TPO: variants seen among roughly 807,000 people sequenced by gnomAD.
The protein encoded by TPO is thyroid peroxidase, also known as thyroid microsomal antigen.
Under a neutral mutation model 96.9 loss-of-function variants are expected in TPO, and 78 were observed. The ratio of observed to expected loss-of-function variants is 0.81; its 90% confidence interval spans 0.67 to 0.97. The LOEUF is 0.97. Ranked by LOEUF, TPO falls within the 50% of genes least tolerant of loss-of-function variation. The pLI, the probability that TPO is intolerant of heterozygous loss-of-function variation, is 0.00. For synonymous variants in TPO, 547 were observed against 538.0 expected (o/e 1.02, Z -0.23); for missense variants, 1,252 against 1,274.8 (o/e 0.98, Z 0.27).
At position 1,542,588 on chromosome 2, in the gene TPO, G is replaced by GGTAAA; in HGVS notation, c.*115_*119dup. ...GCAGGACGACTGTTTTCCCAACACG[G>GGTAAA]GTAAATCTAGTACCATGTCGTAGTT... On this transcript the variant is annotated 3_prime_UTR_variant, in exon 17 of 17. Transcript: ENST00000329066. 6.4e-7 allele frequency: 1 copy of GGTAAA among 1,563,310 alleles called. No homozygotes were observed. The highest frequency in any genetic ancestry group is 8.7e-7 in the Non-Finnish European group (1 of 1,152,928).
chr2:1,507,357 G>A (rs1349182385), intron 14 of TPO, among the ~76,000 whole-genome samples: 3 of 152,156 alleles, frequency 2.0e-5, no homozygotes, highest in African/African-American at 7.2e-5. Flanking sequence ...GGATTGACTT[G>A]GCAATGTGGG....
intron 15 of TPO, among the ~76,000 whole-genome samples, chr2:1,523,142 G>A (rs1366348186): frequency 7.4e-6 from 1 of 135,924 alleles, no homozygotes; most frequent in Non-Finnish European, 1.5e-5. Flanking sequence ...CCCACCCTGT[G>A]CATCCTCCCA....
chr2:1,384,531 A>G (rs1209746796), intron 1 of TPO, among the ~76,000 whole-genome samples: 2 of 152,152 alleles, frequency 1.3e-5, no homozygotes, highest in Admixed American at 1.3e-4. Flanking sequence ...TTGGTGTATA[A>G]GAATGCTTGT....
At position 1,427,662 on chromosome 2, in the gene TPO, C is replaced by A. The variant is rs545039253; in HGVS notation, c.179+4533C>A. Among the ~76,000 whole-genome samples the A allele has an allele frequency of 2.0e-5, 3 of 152,318 alleles. No homozygotes were observed. In the South Asian group the frequency reaches 6.2e-4, roughly 32 times the overall value. On this transcript the variant is annotated intron_variant, in intron 3 of 16. Transcript: ENST00000329066. ...ATAATTTCGGCATGGACAGAAGAAG[C>A]GTCTGCATGAGGAGGCTGTGGGTCC...
At chr2:1,415,399 C>T (rs1213743266) in intron 2 of TPO, among the ~76,000 whole-genome samples, 1 of 143,812 alleles carries the variant, frequency 7.0e-6, no homozygotes, top group Non-Finnish European at 1.5e-5. Flanking sequence ...AGTCTCGGGG[C>T]CCCTGGAGCA....
chr2:1,542,485 G>A lies in TPO; in HGVS notation c.*11G>A, dbSNP rs1553344849. The A allele has an allele frequency of 1.9e-6, 3 of 1,613,974 alleles. No individual in the cohort carries two copies. The highest frequency in any genetic ancestry group is 2.5e-6 in the Non-Finnish European group (3 of 1,180,022). On this transcript the variant is annotated 3_prime_UTR_variant, in exon 17 of 17. Transcript: ENST00000329066. Reference sequence around the variant, plus strand: ...CCGAGAGCCCTCTGAGGGCAAAGTGGCAGGACACTGCAGAACAGCTTCATG... The same window carrying A: ...CCGAGAGCCCTCTGAGGGCAAAGTGACAGGACACTGCAGAACAGCTTCATG...
chr2:1,486,097 G>A (rs1671136168), intron 9 of TPO, among the ~76,000 whole-genome samples: 1 of 152,176 alleles, frequency 6.6e-6, no homozygotes, highest in Non-Finnish European at 1.5e-5. Context: ...TCGCATCGAT[G>A]TTTATCAGGT....
intron 7 of TPO, among the ~76,000 whole-genome samples, chr2:1,459,300 T>C (rs1337485074): frequency 6.6e-6 from 1 of 151,938 alleles, no homozygotes; most frequent in Non-Finnish European, 1.5e-5. Flanking sequence ...TACAGGCAGG[T>C]GCCACCACAC....
intron 14 of TPO, among the ~76,000 whole-genome samples, chr2:1,510,364 G>GC (rs1461883237): frequency 6.6e-6 from 1 of 152,166 alleles, no homozygotes; most frequent in Non-Finnish European, 1.5e-5. Flanking sequence ...CTGGACTACA[G>GC]CCCAGAAGCA....
At chr2:1,512,446 G>A (rs1055757025) in intron 14 of TPO, 6 of 985,328 alleles carry the variant, frequency 6.1e-6, no homozygotes, top group Admixed American at 1.2e-4. Flanking sequence ...CCGGACCAGC[G>A]CCCGTGCTCA....
chr2:1,420,993 C>T (rs2148427157), intron 2 of TPO, among the ~76,000 whole-genome samples: 2 of 152,044 alleles, frequency 1.3e-5, no homozygotes, highest in African/African-American at 4.8e-5. Flanking sequence ...GATGGCGTGA[C>T]TCAGGAGAGA....
In TPO at chr2:1,543,040, A is replaced by C; in HGVS notation, c.*566A>C. On this transcript the variant is annotated 3_prime_UTR_variant, in exon 17 of 17. Coordinates refer to ENST00000329066, the MANE Select transcript of TPO (RefSeq NM_001206744.2). The stretch of plus-strand genomic sequence containing the variant: ...TCATCCTCCAGAGATTCACCAACAC[A>C]TGAGCCTCAGACCCCAGGCTTCTGC... 5.2e-6 allele frequency: 1 copy of C among 190,560 alleles called. No individual in the cohort carries two copies. Among genetic ancestry groups the C allele is most frequent in the Non-Finnish European group, 1.1e-5 (1 of 91,174 alleles). 11.8% of individuals were successfully genotyped at this position (190,560 alleles called of 1,614,324 possible). A position where few individuals can be genotyped will look rare whatever the true frequency, so the allele number is the denominator to read the frequency against.
At chr2:1,515,424 T>C (rs1468028028) in intron 14 of TPO, among the ~76,000 whole-genome samples, 1 of 152,132 alleles carries the variant, frequency 6.6e-6, no homozygotes, top group Non-Finnish European at 1.5e-5. Context: ...GGCGGGAGGA[T>C]GGTTAGAGGA....
intron 14 of TPO, among the ~76,000 whole-genome samples, chr2:1,509,392 A>G (rs1673832500): frequency 6.7e-6 from 1 of 149,150 alleles, no homozygotes; most frequent in African/African-American, 2.5e-5. Flanking sequence ...CAGGGACAGC[A>G]CAGCCTCTTG....
intron 2 of TPO, among the ~76,000 whole-genome samples, chr2:1,422,344 C>CCTCGTGCAGGTGCCGCGCTGGACA (rs1558264301): frequency 1.4e-4 from 11 of 77,622 alleles, no homozygotes; most frequent in South Asian, 4.6e-4. Context: ...TCTCCTGGAC[C>CCTCGTGCAGGTGCCGCGCTGGACA]GACCTCGTGC....
chr2:1,491,346 T>C (rs1419710596), intron 10 of TPO, among the ~76,000 whole-genome samples: 2 of 152,118 alleles, frequency 1.3e-5, no homozygotes, highest in African/African-American at 4.8e-5. Flanking sequence ...CCCTCTAGAG[T>C]TGGAAAAAGA....
At chr2:1,409,115 G>A (rs1662289541), upstream of TPO, among the ~76,000 whole-genome samples, 1 of 151,838 alleles carries the variant, frequency 6.6e-6, no homozygotes, top group African/African-American at 2.4e-5. Flanking sequence ...CATGAGAGGA[G>A]CCTCACATGG....
rs574173925 is a variant in TPO at position 1,497,217 on chromosome 2, C to T, written c.2386+452C>T. On this transcript the variant is annotated intron_variant, in intron 13 of 16. Coordinates refer to ENST00000329066, the MANE Select transcript of TPO (RefSeq NM_001206744.2). ...CCACTGGGTTCCACTCCCAGCCTCC[C>T]GCATGTTTAGGTGTGGACAAGTGTG... Among the ~76,000 whole-genome samples the T allele has an allele frequency of 3.3e-5, 5 of 152,270 alleles. No individual in the cohort carries two copies. In the South Asian group the frequency reaches 1.0e-3, roughly 32 times the overall value.
intron 8 of TPO, among the ~76,000 whole-genome samples, chr2:1,480,849 A>ACCTTCCTCCTGCTGCATCCG (rs1491437363): frequency 6.6e-6 from 1 of 151,286 alleles, no homozygotes; most frequent in Non-Finnish European, 1.5e-5. Flanking sequence ...TGTCCTCACC[A>ACCTTCCTCCTGCTGCATCCG]TACCCACTCT....
Sources: gnomAD v4.1 joint callset for allele counts (sites outside exome capture counted in the v4.1 genomes callset) on GRCh38, gnomAD v4.1.1 for gene constraint, MANE v1.5 for transcripts, NCBI Gene and HGNC (gene_info 2026-07-23, HGNC 2026-07-21) for gene names.